THRB: variants seen among roughly 807,000 people sequenced by gnomAD.
THRB encodes the protein nuclear receptor subfamily 1 group A member 2.
In THRB, 12 loss-of-function variants were observed where a neutral mutation model predicts 47.8. That is an observed-to-expected ratio of 0.25 (90% confidence interval 0.16 to 0.41). The LOEUF is 0.41. Ranked by LOEUF, THRB falls within the 10% of genes least tolerant of loss-of-function variation. The pLI, the probability that THRB is intolerant of heterozygous loss-of-function variation, is 1.00. For missense variants in THRB, 348 were observed against 589.2 expected (o/e 0.59, Z 4.24); for synonymous variants, 218 against 212.2 (o/e 1.03, Z -0.24).
rs370230507 is a variant in THRB, at chr3:24,168,490, AAT to A, written c.284-16002_284-16001del. Among the ~76,000 whole-genome samples, 1,352 of 137,450 alleles carry A rather than the reference AAT, an allele frequency of 9.8e-3. 32 individuals are homozygous for A. The highest frequency in any genetic ancestry group is 0.012 in the Admixed American group (160 of 13,834). 90.2% of individuals were successfully genotyped at this position (137,450 alleles called of 152,430 possible). A position where few individuals can be genotyped will look rare whatever the true frequency, so the allele number is the denominator to read the frequency against. On this transcript the variant is annotated intron_variant, in intron 5 of 10. Transcript: ENST00000646209. ...TCCGATTAGAAGTGTTTCAATCAAT[AAT>A]ATATATATATATATATATGCGCCTA... is the stretch of plus-strand genomic sequence containing the variant.
intron 1 of THRB, among the ~76,000 whole-genome samples, chr3:24,362,113 A>G (rs2064115943): frequency 1.3e-5 from 2 of 152,096 alleles, no homozygotes; most frequent in Admixed American, 1.3e-4. Flanking sequence ...TCTCAAAACA[A>G]TAGCCACACT....
intron 1 of THRB, among the ~76,000 whole-genome samples, chr3:24,416,169 CTAAG>C (rs1331442379): frequency 6.6e-6 from 1 of 151,608 alleles, no homozygotes; most frequent in Non-Finnish European, 1.5e-5. Context: ...TTTTTTTCCC[CTAAG>C]TGCTTTCATA....
At chr3:24,310,873 C>T (rs1029867845) in intron 2 of THRB, among the ~76,000 whole-genome samples, 6 of 152,128 alleles carry the variant, frequency 3.9e-5, no homozygotes, top group South Asian at 4.1e-4. Context: ...AAATCCTGCC[C>T]GAAAAGGAAC....
intron 4 of THRB, among the ~76,000 whole-genome samples, chr3:24,223,373 G>C (rs1443623234): frequency 6.6e-6 from 1 of 152,152 alleles, no homozygotes; most frequent in Non-Finnish European, 1.5e-5. Flanking sequence ...AGCCCATTGA[G>C]GTCTGTCCCT....
chr3:24,456,574 G>A (rs1034411254), intron 1 of THRB, among the ~76,000 whole-genome samples: 1 of 150,768 alleles, frequency 6.6e-6, no homozygotes, highest in Admixed American at 6.6e-5. Flanking sequence ...GTATTATCTT[G>A]TATTAAATAT....
Position 24,121,898 on chromosome 3 carries a change from A to G in THRB, c.*986T>C, listed in dbSNP as rs1463149523. ...TCTCGCCTCAGCATTTCTCCAGAAGAAGACTGAAGTTTCACCGTATCTTTC... is the reference window on the plus strand; with the variant it reads ...TCTCGCCTCAGCATTTCTCCAGAAGGAGACTGAAGTTTCACCGTATCTTTC... On this transcript the variant is annotated 3_prime_UTR_variant, in exon 11 of 11. Coordinates refer to ENST00000646209, the MANE Select transcript of THRB (RefSeq NM_001354712.2). The G allele has an allele frequency of 6.6e-6, 1 of 152,644 alleles. No individual in the cohort carries two copies. The highest frequency in any genetic ancestry group is 1.5e-5 in the Non-Finnish European group (1 of 68,058). The allele number at this position is 152,644 out of a possible 1,614,324, so 9.5% of individuals were successfully genotyped here.
At chr3:24,474,068 C>A (rs1055559561) in intron 1 of THRB, among the ~76,000 whole-genome samples, 3 of 152,124 alleles carry the variant, frequency 2.0e-5, no homozygotes, top group Non-Finnish European at 4.4e-5. Flanking sequence ...ATGTAACAAA[C>A]CTGCATGTTC....
In THRB at chr3:24,190,241, C is replaced by G; in HGVS notation, c.116G>C (p.Arg39Thr). ...LVGMSEACLH[R>T]KSHSERRSTL... is the part of the protein sequence containing the mutation. ...GCTGCGCCTCTCTGAATGGCTCTTC[C>G]TATGTAGGCAGGCTTCAGACATTCC... is the stretch of plus-strand genomic sequence containing the variant. The change falls in exon 5 of 11, where the codon AGG (arginine) becomes ACG (threonine). Residue 39 changes from arginine (R) to threonine (T), a missense_variant. Transcript: ENST00000646209. The G allele has an allele frequency of 6.2e-7, 1 of 1,614,012 alleles. No homozygotes were observed. Among genetic ancestry groups the G allele is most frequent in the Non-Finnish European group, 8.5e-7 (1 of 1,179,960 alleles).
intron 8 of THRB, among the ~76,000 whole-genome samples, chr3:24,136,516 T>C (rs1379892102): frequency 1.3e-5 from 2 of 152,232 alleles, no homozygotes; most frequent in East Asian, 1.9e-4. Flanking sequence ...TTCTAAAATA[T>C]TTGGAAGATG....
chr3:24,288,610 A>G (rs2055584237), intron 3 of THRB, among the ~76,000 whole-genome samples: 1 of 152,170 alleles, frequency 6.6e-6, no homozygotes, highest in African/African-American at 2.4e-5. Context: ...GTTCCCAGCA[A>G]TGAATAGTCC....
At chr3:24,139,284 T>C (rs952163369) in intron 8 of THRB, among the ~76,000 whole-genome samples, 2 of 152,206 alleles carry the variant, frequency 1.3e-5, no homozygotes. Flanking sequence ...AAGTTCCTCA[T>C]TTGCCAAAGA....
chr3:24,314,536 A>G (rs2057982436), intron 2 of THRB, among the ~76,000 whole-genome samples: 4 of 152,162 alleles, frequency 2.6e-5, no homozygotes, highest in Admixed American at 1.3e-4. Flanking sequence ...ATAACATCAA[A>G]CTGCCAAAGG....
At chr3:24,279,692 G>A (rs892038109) in intron 3 of THRB, among the ~76,000 whole-genome samples, 3 of 152,028 alleles carry the variant, frequency 2.0e-5, no homozygotes, top group African/African-American at 7.2e-5. Flanking sequence ...ACCGTGCCCG[G>A]CCAAATGCAA....
intron 1 of THRB, among the ~76,000 whole-genome samples, chr3:24,353,867 TC>T (rs2063508401): frequency 6.6e-6 from 1 of 152,200 alleles, no homozygotes; most frequent in South Asian, 2.1e-4. Flanking sequence ...GCAAGTCATC[TC>T]AATCTCTTGC....
chr3:24,415,541 G>T (rs561054617), intron 1 of THRB, among the ~76,000 whole-genome samples: 42 of 151,870 alleles, frequency 2.8e-4, no homozygotes, highest in African/African-American at 9.4e-4. Context: ...AAAGGAAAAG[G>T]CATGGTTGTC....
chr3:24,206,324 A>G (rs1189610611), intron 4 of THRB, among the ~76,000 whole-genome samples: 2 of 152,232 alleles, frequency 1.3e-5, no homozygotes, highest in Non-Finnish European at 2.9e-5. Flanking sequence ...GTGCAATCAA[A>G]TTAGAACTCA....
chr3:24,430,501 A>C (rs1161120867), intron 1 of THRB, among the ~76,000 whole-genome samples: 1 of 152,076 alleles, frequency 6.6e-6, no homozygotes, highest in Admixed American at 6.6e-5. Flanking sequence ...CTTAAACGTA[A>C]AGACAACATT....
intron 1 of THRB, among the ~76,000 whole-genome samples, chr3:24,475,465 T>C (rs1695308485): frequency 6.6e-6 from 1 of 152,158 alleles, no homozygotes; most frequent in Admixed American, 6.5e-5. Flanking sequence ...TGTTTTTCTG[T>C]ATATTTGTAT....
chr3:24,262,055 T>A (rs1021951858), intron 3 of THRB, among the ~76,000 whole-genome samples: 6 of 152,180 alleles, frequency 3.9e-5, no homozygotes, highest in African/African-American at 7.2e-5. Flanking sequence ...ACCCCAGACC[T>A]CTCCTTGAAC....
Sources: gnomAD v4.1 joint callset for allele counts (sites outside exome capture counted in the v4.1 genomes callset) on GRCh38, gnomAD v4.1.1 for gene constraint, MANE v1.5 for transcripts, NCBI Gene and HGNC (gene_info 2026-07-23, HGNC 2026-07-21) for gene names.